Variants in ITPR2 observed in about 807,000 individuals in gnomAD.
ITPR2 encodes the protein inositol 1,4,5-trisphosphate-gated calcium channel ITPR2.
A neutral mutation model predicts 317.1 loss-of-function variants in ITPR2; 207 were observed. That is an observed-to-expected ratio of 0.65 (90% CI 0.58 to 0.73). ITPR2 has a LOEUF of 0.73. ITPR2 is among the 30% of genes least tolerant of loss of function. ITPR2 has a pLI of 0.00. For synonymous variants in ITPR2, 1,156 were observed against 1,149.1 expected (o/e 1.01, Z -0.12); for missense variants, 2,613 against 3,284.0 (o/e 0.80, Z 4.99).
intron 31 of ITPR2, among the ~76,000 whole-genome samples, chr12:26,596,667 A>AT (rs1945855362): frequency 6.8e-6 from 1 of 147,626 alleles, no homozygotes; most frequent in Non-Finnish European, 1.5e-5. Flanking sequence ...AAAAAAAAAA[A>AT]GTTTATCATC....
intron 37 of ITPR2, among the ~76,000 whole-genome samples, chr12:26,523,619 A>C (rs1036521995): frequency 2.6e-5 from 4 of 151,826 alleles, no homozygotes; most frequent in Admixed American, 2.0e-4. Flanking sequence ...TACATTATTT[A>C]TCCAGGTTAT....
intron 20 of ITPR2, among the ~76,000 whole-genome samples, chr12:26,654,636 G>A (rs1259472911): frequency 6.6e-6 from 1 of 152,124 alleles, no homozygotes; most frequent in Admixed American, 6.5e-5. Context: ...ACCAACAGAA[G>A]TGATGACATG....
chr12:26,375,896 C>T (rs894971787), intron 55 of ITPR2, among the ~76,000 whole-genome samples: 6 of 152,110 alleles, frequency 3.9e-5, no homozygotes, highest in East Asian at 1.9e-4. Context: ...CTCAGGAGCT[C>T]GAGACCAGCC....
chr12:26,521,685 G>A (rs1943671052), intron 37 of ITPR2, among the ~76,000 whole-genome samples: 1 of 152,152 alleles, frequency 6.6e-6, no homozygotes, highest in Non-Finnish European at 1.5e-5. Flanking sequence ...GATGCTCAGG[G>A]AGTCCCATCC....
intron 44 of ITPR2, among the ~76,000 whole-genome samples, chr12:26,476,300 T>C (rs1942415615): frequency 6.6e-6 from 1 of 152,214 alleles, no homozygotes; most frequent in Non-Finnish European, 1.5e-5. Context: ...AGCTATATTA[T>C]GTGAGTACAT....
intron 2 of ITPR2, among the ~76,000 whole-genome samples, chr12:26,778,513 C>G (rs768569486): frequency 2.6e-5 from 4 of 152,244 alleles, no homozygotes; most frequent in Non-Finnish European, 5.9e-5. Context: ...ATTGACTTGG[C>G]AAATGCCTTT....
intron 9 of ITPR2, among the ~76,000 whole-genome samples, chr12:26,706,222 T>C (rs944736947): frequency 1.3e-5 from 2 of 152,334 alleles, no homozygotes; most frequent in East Asian, 1.9e-4. Flanking sequence ...ATTTTGATAA[T>C]ATTAATTTTA....
chr12:26,493,783 C>A (rs12829202), intron 39 of ITPR2, among the ~76,000 whole-genome samples: 7,070 of 152,256 alleles, frequency 0.046, 238 homozygotes, highest in Non-Finnish European at 0.071. Flanking sequence ...CGGGCTCATG[C>A]AGCATGTTTT....
At position 26,454,868 on chromosome 12, in the gene ITPR2, T is replaced by C. The variant is rs540898120; in HGVS notation, c.6343-11218A>G. ...TACCTAACTGTGAAATAACAACATCTGCAATAATATACCAAAGAGAATTAC... is the reference window on the plus strand; with the variant it reads ...TACCTAACTGTGAAATAACAACATCCGCAATAATATACCAAAGAGAATTAC... On this transcript the variant is annotated intron_variant, in intron 45 of 56. Transcript: ENST00000381340. 8.5e-5 allele frequency among the ~76,000 whole-genome samples: 13 copies of C among 152,312 alleles called. 1 individual carries two copies. In the South Asian group the frequency reaches 2.1e-3, roughly 24 times the overall value.
chr12:26,528,110 G>T (rs577234152), intron 37 of ITPR2, among the ~76,000 whole-genome samples: 1 of 152,152 alleles, frequency 6.6e-6, no homozygotes, highest in African/African-American at 2.4e-5. Context: ...TGGGTTTGCC[G>T]TTAGGTTGGG....
rs770802515 is a variant in ITPR2, at chr12:26,628,146, C to T, written c.2951G>A (p.Arg984Lys). Reference protein sequence around the residue: ...IEILQFILSVRLDYRISYMLS... With the variant: ...IEILQFILSVKLDYRISYMLS... ...CATATATGAGATCCTATAATCCAGT[C>T]TGACACTCAGGATAAACTATAAGAA... Residue 984 changes from arginine (R) to lysine (K), a missense_variant, in exon 23 of 57, where the codon AGA (arginine) becomes AAA (lysine). Arg to Lys is a conservative substitution (Grantham distance 26, BLOSUM62 2). Transcript: ENST00000381340. The T allele has an allele frequency of 1.2e-6, 2 of 1,602,346 alleles. No homozygotes were observed. The highest frequency in any genetic ancestry group is 8.5e-7 in the Non-Finnish European group (1 of 1,172,862).
chr12:26,751,711 C>A (rs1426400723), intron 2 of ITPR2, among the ~76,000 whole-genome samples: 1 of 151,692 alleles, frequency 6.6e-6, no homozygotes, highest in Non-Finnish European at 1.5e-5. Context: ...ACTAAAAATA[C>A]AAAAATTAGC....
intron 37 of ITPR2, chr12:26,495,535 A>G (rs1942913575): frequency 6.9e-6 from 2 of 288,980 alleles, no homozygotes; most frequent in Non-Finnish European, 1.3e-5. Flanking sequence ...TTCACAGTGT[A>G]TACTTATCTC....
chr12:26,665,800 T>G lies in ITPR2; in HGVS notation c.1551+110A>C. 6.3e-6 allele frequency: 6 copies of G among 947,134 alleles called. No homozygotes were observed. In the South Asian group the frequency reaches 1.0e-4, roughly 16 times the overall value. The allele number at this position is 947,134 out of a possible 1,614,324, so 58.7% of individuals were successfully genotyped here. A position where few individuals can be genotyped will look rare whatever the true frequency, so the allele number is the denominator to read the frequency against. On this transcript the variant is annotated intron_variant, in intron 14 of 56. Coordinates refer to ENST00000381340, the MANE Select transcript of ITPR2 (RefSeq NM_002223.4). The stretch of plus-strand genomic sequence containing the variant: ...CAAGAAGTATCTTGTTTTCAGCCAC[T>G]AAGTTTTGGGATCATTTGCTTCATA...
intron 46 of ITPR2, 126 bp from the exon 47 acceptor site, chr12:26,439,445 G>C (rs1198035071): frequency 1.3e-5 from 8 of 631,686 alleles, no homozygotes; most frequent in Non-Finnish European, 2.1e-5. Context: ...GTGCCAACTT[G>C]AAGTATCTGA....
At chr12:26,556,568 G>T (rs1003816047) in intron 35 of ITPR2, among the ~76,000 whole-genome samples, 193 bp from the exon 36 acceptor site, 1,482 of 79,910 alleles carry the variant, frequency 0.019, 15 homozygotes, top group African/African-American at 0.048. Flanking sequence ...TTTTTTTTTT[G>T]TGTGTGTGTG....
At chr12:26,448,009 A>AAAAAC (rs1941652440) in intron 45 of ITPR2, among the ~76,000 whole-genome samples, 1 of 151,228 alleles carries the variant, frequency 6.6e-6, no homozygotes, top group African/African-American at 2.4e-5. Context: ...TTTTAAAAAA[A>AAAAAC]AAAAAACCCA....
intron 51 of ITPR2, among the ~76,000 whole-genome samples, 158 bp downstream of exon 51, chr12:26,415,145 A>C (rs1049810081): frequency 1.6e-4 from 25 of 152,218 alleles, no homozygotes; most frequent in African/African-American, 5.1e-4. Context: ...GCCTAAGAGT[A>C]CTTCACATTC....
intron 21 of ITPR2, chr12:26,648,618 AAAAG>A (rs916994554): frequency 6.6e-6 from 1 of 152,174 alleles, no homozygotes; most frequent in African/African-American, 2.4e-5. Flanking sequence ...TATGAAAAAA[AAAAG>A]AAGAAAATAC....
Sources: allele counts gnomAD v4.1 joint callset (sites outside exome capture counted in the v4.1 genomes callset), GRCh38; gene constraint gnomAD v4.1.1; transcripts MANE v1.5; gene names NCBI Gene and HGNC (gene_info 2026-07-23, HGNC 2026-07-21).